DLC1: variants seen among roughly 807,000 people sequenced by gnomAD.
DLC1 encodes the protein rho GTPase-activating protein 7.
Under a neutral mutation model 140.3 loss-of-function variants are expected in DLC1, and 54 were observed. The ratio of observed to expected loss-of-function variants is 0.38; its 90% CI spans 0.31 to 0.48. The LOEUF (loss-of-function observed/expected upper bound fraction) is 0.48. DLC1 is among the 20% of genes least tolerant of loss of function. The pLI is 0.96. For missense variants in DLC1, 2,536 were observed against 1,907.0 expected (o/e 1.33, Z -6.14); for synonymous variants, 986 against 728.1 (o/e 1.35, Z -5.70).
chr8:13,305,672 A>G (rs929851434), intron 4 of DLC1, among the ~76,000 whole-genome samples: 4 of 152,156 alleles, frequency 2.6e-5, no homozygotes, highest in African/African-American at 9.7e-5. Flanking sequence ...CCCCATCTCT[A>G]CAAAAAATAC....
intron 5 of DLC1, among the ~76,000 whole-genome samples, chr8:13,136,359 A>T (rs185402113): frequency 1.3e-5 from 2 of 152,050 alleles, no homozygotes; most frequent in African/African-American, 4.8e-5. Context: ...AGTAGTTCCC[A>T]GTGTGTCTTG....
intron 2 of DLC1, among the ~76,000 whole-genome samples, chr8:13,458,996 T>C (rs1799535408): frequency 6.6e-6 from 1 of 152,226 alleles, no homozygotes; most frequent in African/African-American, 2.4e-5. Context: ...CAGCTAAAAA[T>C]TTTGATTCAA....
At chr8:13,204,385 T>C (rs902869748) in intron 5 of DLC1, among the ~76,000 whole-genome samples, 3 of 152,140 alleles carry the variant, frequency 2.0e-5, no homozygotes, top group East Asian at 3.9e-4. Flanking sequence ...ACCGCTATCA[T>C]AGGTGAAGGT....
At chr8:13,464,756 ATATATATATT>A (rs1200688994) in intron 2 of DLC1, among the ~76,000 whole-genome samples, 3,948 of 60,922 alleles carry the variant, frequency 0.065, 74 homozygotes, top group African/African-American at 0.1. Context: ...TTATATATAT[ATATATATATT>A]TATATATATA....
At position 13,100,197 on chromosome 8, in the gene DLC1, C is replaced by T. The variant is rs761734934; in HGVS notation, c.2140G>A (p.Val714Met). 6 of 1,614,166 alleles carry T rather than the reference C, an allele frequency of 3.7e-6. No homozygotes were observed. Among genetic ancestry groups the T allele is most frequent in the South Asian group, 3.3e-5 (3 of 91,088 alleles). Residue 714 changes from valine (V) to methionine (M), a missense_variant, in exon 9 of 18, where the codon GTG becomes ATG. Physicochemically the swap from Val to Met is conservative, Grantham distance 21. Transcript: ENST00000276297. ...TTGCCATTGAGGGCGGAGATCTCCACGCAGTTGAGCTGCTTCAGCTTCTCC... is the reference window on the plus strand; with the variant it reads ...TTGCCATTGAGGGCGGAGATCTCCATGCAGTTGAGCTGCTTCAGCTTCTCC... ...DEEKLKQLNC[V>M]EISALNGNRI...
At chr8:13,249,817 T>G (rs567181164) in intron 5 of DLC1, among the ~76,000 whole-genome samples, 5 of 152,090 alleles carry the variant, frequency 3.3e-5, no homozygotes, top group African/African-American at 4.8e-5. Context: ...TCCCCATTGA[T>G]CCTTCTTTTT....
At chr8:13,293,946 C>T (rs1441997575) in intron 5 of DLC1, among the ~76,000 whole-genome samples, 1 of 151,994 alleles carries the variant, frequency 6.6e-6, no homozygotes, top group African/African-American at 2.4e-5. Context: ...GTTCTGTAGC[C>T]AAAAAGGGTA....
intron 5 of DLC1, chr8:13,214,297 C>T (rs1425457540): frequency 4.7e-6 from 1 of 214,006 alleles, no homozygotes; most frequent in Non-Finnish European, 9.3e-6. Context: ...GGGAGGGCAT[C>T]CGTAAATGAC....
At chr8:13,487,867 G>T (rs1801043126) in intron 2 of DLC1, among the ~76,000 whole-genome samples, 1 of 152,150 alleles carries the variant, frequency 6.6e-6, no homozygotes, top group South Asian at 2.1e-4. Context: ...CACTGCACCA[G>T]GCCTGAAAAT....
intron 5 of DLC1, among the ~76,000 whole-genome samples, chr8:13,258,270 C>T (rs1036761755): frequency 6.6e-6 from 1 of 152,164 alleles, no homozygotes; most frequent in African/African-American, 2.4e-5. Context: ...TCCTCGACTT[C>T]ACTAAGGAAA....
At chr8:13,547,390 A>G (rs1803688305) in intron 1 of DLC1, among the ~76,000 whole-genome samples, 1 of 152,032 alleles carries the variant, frequency 6.6e-6, no homozygotes, top group Non-Finnish European at 1.5e-5. Context: ...GGCCACTCAT[A>G]TCACGAATCA....
chr8:13,571,784 A>G (rs1439228713), intron 1 of DLC1, among the ~76,000 whole-genome samples: 1 of 152,184 alleles, frequency 6.6e-6, no homozygotes, highest in Non-Finnish European at 1.5e-5. Context: ...GAAGTGACAC[A>G]TTATTTCTAC....
At chr8:13,286,514 A>G (rs867031466) in intron 5 of DLC1, among the ~76,000 whole-genome samples, 4 of 152,190 alleles carry the variant, frequency 2.6e-5, no homozygotes, top group Middle Eastern at 3.2e-3. Flanking sequence ...TGTCAACTCA[A>G]TAATGATGTT....
chr8:13,329,235 G>A (rs1049992767), intron 4 of DLC1, among the ~76,000 whole-genome samples: 5 of 152,134 alleles, frequency 3.3e-5, no homozygotes, highest in African/African-American at 1.2e-4. Flanking sequence ...CTGAAAACAA[G>A]TATTACTTTC....
At chr8:13,236,443 C>T (rs936079856) in intron 5 of DLC1, among the ~76,000 whole-genome samples, 1 of 152,078 alleles carries the variant, frequency 6.6e-6, no homozygotes, top group African/African-American at 2.4e-5. Context: ...AGAATTGAAT[C>T]TTAAAATCTC....
chr8:13,457,434 T>C (rs2117007179), intron 2 of DLC1, among the ~76,000 whole-genome samples: 1 of 152,122 alleles, frequency 6.6e-6, no homozygotes, highest in South Asian at 2.1e-4. Context: ...ATCCCAGCAC[T>C]TTGAGAGGCC....
intron 3 of DLC1, among the ~76,000 whole-genome samples, chr8:13,399,816 C>G (rs74498182): frequency 0.01 from 1,560 of 152,216 alleles, 27 homozygotes; most frequent in African/African-American, 0.035. Flanking sequence ...AGAACTTCTT[C>G]TGGCGTTTTC....
At chr8:13,396,565 A>C (rs1386653957) in intron 3 of DLC1, among the ~76,000 whole-genome samples, 2 of 152,116 alleles carry the variant, frequency 1.3e-5, no homozygotes, top group African/African-American at 2.4e-5. Context: ...ATCACACGAG[A>C]GATGGTGGGT....
At chr8:13,472,810 C>T (rs1277907691) in intron 2 of DLC1, among the ~76,000 whole-genome samples, 3 of 152,190 alleles carry the variant, frequency 2.0e-5, no homozygotes, top group Non-Finnish European at 4.4e-5. Context: ...GAGGGTATTA[C>T]TGCAAGTGCT....
Sources: gnomAD v4.1 joint callset for allele counts (sites outside exome capture counted in the v4.1 genomes callset) on GRCh38, gnomAD v4.1.1 for gene constraint, MANE v1.5 for transcripts, NCBI Gene and HGNC (gene_info 2026-07-23, HGNC 2026-07-21) for gene names.